TUSC3: variants seen among roughly 807,000 people sequenced by gnomAD.
TUSC3 encodes dolichyl-diphosphooligosaccharide--protein glycosyltransferase subunit TUSC3.
TUSC3 carries 45 observed loss-of-function variants against 44.8 expected under a neutral mutation model. The ratio of observed to expected loss-of-function variants is 1.00; its 90% CI spans 0.79 to 1.29. The LOEUF (loss-of-function observed/expected upper bound fraction) is 1.29, where lower values mean the gene tolerates loss of function less well. TUSC3 is among the 50% of genes most tolerant of loss of function. The pLI is 0.00. For synonymous variants in TUSC3, 212 were observed against 152.9 expected, an observed-to-expected ratio of 1.39 and a Z score of -2.85; for missense variants, 519 against 437.9, an observed-to-expected ratio of 1.19 and a Z score of -1.65.
the TUSC3 span, among the ~76,000 whole-genome samples, chr8:15,847,344 G>A: frequency 3.3e-5 from 5 of 152,228 alleles, no homozygotes; most frequent in South Asian, 2.1e-4. Flanking sequence ...TCCTAGACAC[G>A]GTACATGATT....
At chr8:15,666,262 T>G (rs1473186703) in intron 5 of TUSC3, among the ~76,000 whole-genome samples, 2 of 151,446 alleles carry the variant, frequency 1.3e-5, no homozygotes, top group Non-Finnish European at 3.0e-5. Context: ...CAGGAAAATA[T>G]CCTAAGGATA....
At chr8:15,466,780 C>A (rs949446831) in intron 1 of TUSC3, among the ~76,000 whole-genome samples, 18 of 151,936 alleles carry the variant, frequency 1.2e-4, no homozygotes, top group South Asian at 2.1e-4. Flanking sequence ...TCAGTTTTTT[C>A]TTTTTCTGAT....
chr8:15,656,882 C>T (rs1463191002), intron 3 of TUSC3, among the ~76,000 whole-genome samples: 1 of 152,178 alleles, frequency 6.6e-6, no homozygotes, highest in South Asian at 2.1e-4. Flanking sequence ...AGAGCTAGTG[C>T]CCAGAATGCT....
intron 6 of TUSC3, among the ~76,000 whole-genome samples, chr8:15,689,733 G>A (rs752942377): frequency 1.3e-5 from 2 of 151,740 alleles, no homozygotes; most frequent in Non-Finnish European, 2.9e-5. Flanking sequence ...TCCTGTGTTA[G>A]TTTGCTTAGG....
intron 10 of TUSC3, 141 bp from the exon 11 acceptor site, chr8:15,764,062 T>A: frequency 5.7e-6 from 5 of 882,090 alleles, no homozygotes; most frequent in Non-Finnish European, 8.5e-6. Context: ...ATTGCCCTGA[T>A]GTAAAAATTA....
At chr8:15,582,210 G>T (rs1384793566) in intron 1 of TUSC3, among the ~76,000 whole-genome samples, 1 of 152,178 alleles carries the variant, frequency 6.6e-6, no homozygotes, top group African/African-American at 2.4e-5. Flanking sequence ...CCACTGTCTG[G>T]CACTCCCTAG....
At chr8:15,452,539 C>G (rs911296956) in intron 1 of TUSC3, among the ~76,000 whole-genome samples, 3 of 151,968 alleles carry the variant, frequency 2.0e-5, no homozygotes, top group Non-Finnish European at 4.4e-5. Flanking sequence ...CTGTGGAGCC[C>G]TAATTAGGGA....
chr8:15,812,454 C>T, the TUSC3 span, among the ~76,000 whole-genome samples: 2 of 152,120 alleles, frequency 1.3e-5, no homozygotes, highest in African/African-American at 4.8e-5. Flanking sequence ...AGGAAATAGT[C>T]TCAGACATAG....
At chr8:15,548,534 G>C (rs1386916456) in intron 1 of TUSC3, among the ~76,000 whole-genome samples, 1 of 151,782 alleles carries the variant, frequency 6.6e-6, no homozygotes, top group Non-Finnish European at 1.5e-5. Flanking sequence ...TACCTCGAAA[G>C]TACACGCCTG....
chr8:15,630,917 G>T (rs1266481166), intron 2 of TUSC3, among the ~76,000 whole-genome samples: 1 of 152,246 alleles, frequency 6.6e-6, no homozygotes, highest in Non-Finnish European at 1.5e-5. Flanking sequence ...AACAAATAAG[G>T]TAAACTTGGG....
intron 3 of TUSC3, among the ~76,000 whole-genome samples, chr8:15,655,734 ACTG>A (rs1807133215): frequency 6.6e-6 from 1 of 152,196 alleles, no homozygotes; most frequent in African/African-American, 2.4e-5. Flanking sequence ...GGGATTCACC[ACTG>A]CTAACACTAA....
At chr8:15,564,783 C>G (rs542778645) in intron 1 of TUSC3, among the ~76,000 whole-genome samples, 1 of 152,156 alleles carries the variant, frequency 6.6e-6, no homozygotes, top group East Asian at 1.9e-4. Context: ...AAGATTTCCC[C>G]ACGCTTGTGC....
chr8:15,776,771 G>A, the TUSC3 span, among the ~76,000 whole-genome samples: 1 of 151,882 alleles, frequency 6.6e-6, no homozygotes, highest in African/African-American at 2.4e-5. Flanking sequence ...TTCTTTTAAG[G>A]CATTCTTCAG....
At chr8:15,762,727 G>C (rs1812210168) in intron 10 of TUSC3, among the ~76,000 whole-genome samples, 1 of 152,132 alleles carries the variant, frequency 6.6e-6, no homozygotes, top group East Asian at 1.9e-4. Flanking sequence ...TTCATCTTCA[G>C]AGCAAGCTGA....
chr8:15,810,557 G>C, the TUSC3 span, among the ~76,000 whole-genome samples: 1 of 152,032 alleles, frequency 6.6e-6, no homozygotes, highest in Non-Finnish European at 1.5e-5. Context: ...AGGATCACTT[G>C]AGCCCAGGAG....
intron 1 of TUSC3, among the ~76,000 whole-genome samples, chr8:15,564,349 A>G (rs533005895): frequency 3.8e-4 from 58 of 152,318 alleles, no homozygotes; most frequent in East Asian, 1.2e-3. Flanking sequence ...TGAAATATTC[A>G]TATACAAATC....
intron 1 of TUSC3, among the ~76,000 whole-genome samples, chr8:15,604,913 C>G (rs1304445201): frequency 6.6e-6 from 1 of 151,790 alleles, no homozygotes; most frequent in Non-Finnish European, 1.5e-5. Context: ...ATCTGTTTTT[C>G]TCTAATGGTT....
At chr8:15,602,700 A>G (rs1055389166) in intron 1 of TUSC3, among the ~76,000 whole-genome samples, 49 of 140,260 alleles carry the variant, frequency 3.5e-4, no homozygotes, top group East Asian at 1.9e-3. Flanking sequence ...GTGTGTGTAT[A>G]TATGTGTATG....
rs1032542315 is a variant in TUSC3 at position 15,616,298 on chromosome 8, C to G, written c.139-6782C>G. 8.5e-5 allele frequency among the ~76,000 whole-genome samples: 13 copies of G among 152,294 alleles called. No individual in the cohort carries two copies. In the East Asian group the frequency reaches 2.3e-3, roughly 27 times the overall value. On this transcript the variant is annotated intron_variant, in intron 1 of 10. Coordinates refer to ENST00000503731, the MANE Select transcript of TUSC3 (RefSeq NM_006765.4). ...TATATATGTGTTTCAGAATATCAGG[C>G]CAGGTGTGGTGGCTCACGCCAGTAA...
Sources: gnomAD v4.1 joint callset for allele counts (sites outside exome capture counted in the v4.1 genomes callset) on GRCh38, gnomAD v4.1.1 for gene constraint, MANE v1.5 for transcripts, NCBI Gene and HGNC (gene_info 2026-07-23, HGNC 2026-07-21) for gene names.